ZNF536: variants seen among roughly 807,000 people sequenced by gnomAD.
The protein encoded by ZNF536 is zinc finger protein 536.
ZNF536 carries 13 observed loss-of-function variants against 84.5 expected under a neutral mutation model. The ratio of observed to expected loss-of-function variants is 0.15; its 90% CI spans 0.10 to 0.24. The LOEUF is 0.24. ZNF536 is among the 10% of genes least tolerant of loss of function. The pLI is 1.00. For missense variants in ZNF536, 1,536 were observed against 1,747.5 expected (o/e 0.88, Z 2.16); for synonymous variants, 811 against 742.5 (o/e 1.09, Z -1.50).
intron 2 of ZNF536, among the ~76,000 whole-genome samples, chr19:30,303,144 G>C (rs1268604214): frequency 1.3e-5 from 2 of 152,190 alleles, no homozygotes; most frequent in Non-Finnish European, 2.9e-5. Flanking sequence ...ATGGGTGATG[G>C]GTTTCTGAGG....
intron 1 of ZNF536, among the ~76,000 whole-genome samples, chr19:30,666,063 C>T (rs1185916732): frequency 6.6e-6 from 1 of 152,196 alleles, no homozygotes; most frequent in Non-Finnish European, 1.5e-5. Context: ...CACCTAGGTA[C>T]CCATGAAGAT....
chr19:30,399,679 GT>G (rs71171801), intron 1 of ZNF536, among the ~76,000 whole-genome samples: 55,402 of 112,066 alleles, frequency 0.49, 10,833 homozygotes, highest in Non-Finnish European at 0.53. Context: ...AATAAGAAAT[GT>G]TTTTTTTTTT....
chr19:30,244,870 G>A (rs1260567092), intron 1 of ZNF536, among the ~76,000 whole-genome samples: 1 of 152,176 alleles, frequency 6.6e-6, no homozygotes, highest in Non-Finnish European at 1.5e-5. Context: ...TTACCTTTAG[G>A]AAATGCCAAT....
At chr19:30,320,971 C>T (rs2046835644) in intron 2 of ZNF536, among the ~76,000 whole-genome samples, 1 of 152,186 alleles carries the variant, frequency 6.6e-6, no homozygotes, top group African/African-American at 2.4e-5. Flanking sequence ...GCGACAAACA[C>T]ACAGAAATAA....
chr19:30,510,631 T>C (rs1298372777), intron 2 of ZNF536, among the ~76,000 whole-genome samples: 3 of 152,234 alleles, frequency 2.0e-5, no homozygotes, highest in Non-Finnish European at 4.4e-5. Flanking sequence ...CTCCTCGATG[T>C]AGAGTGTTGG....
At chr19:30,551,023 CT>C (rs376146836) in intron 4 of ZNF536, among the ~76,000 whole-genome samples, 4,231 of 145,794 alleles carry the variant, frequency 0.029, 166 homozygotes, top group African/African-American at 0.095. Context: ...ATTTTTTCCC[CT>C]TTTTTTTTTA....
At chr19:30,437,559 G>A (rs976581335) in intron 1 of ZNF536, among the ~76,000 whole-genome samples, 1 of 152,130 alleles carries the variant, frequency 6.6e-6, no homozygotes, top group Non-Finnish European at 1.5e-5. Context: ...CCTGTGTTTA[G>A]AGGTGCAGCA....
chr19:30,293,266 A>T (rs2045898485), intron 2 of ZNF536, among the ~76,000 whole-genome samples: 1 of 152,012 alleles, frequency 6.6e-6, no homozygotes. Flanking sequence ...GTCCACCAGG[A>T]TGTGTGGACT....
At chr19:30,360,446 C>T (rs1384292887) in intron 3 of ZNF536, among the ~76,000 whole-genome samples, 1 of 152,206 alleles carries the variant, frequency 6.6e-6, no homozygotes, top group Non-Finnish European at 1.5e-5. Context: ...CGGGCCTTGT[C>T]TGCATATAAA....
At chr19:30,610,089 G>T (rs2048051088) in intron 1 of ZNF536, among the ~76,000 whole-genome samples, 1 of 152,210 alleles carries the variant, frequency 6.6e-6, no homozygotes. Context: ...TCTACTACAT[G>T]CTAGGCACTG....
rs191781038 is a variant in ZNF536 at position 30,640,089 on chromosome 19, A to T, written c.170-70668A>T. 6.4e-4 allele frequency among the ~76,000 whole-genome samples: 98 copies of T among 152,276 alleles called. 1 individual carries two copies. Among genetic ancestry groups the T allele is most frequent in the Middle Eastern group, 6.8e-3 (2 of 294 alleles). On this transcript the variant is annotated intron_variant, in intron 1 of 1. Transcript: ENST00000592773. ...GTGAAACCTCCATCACTACCAAAAA[A>T]TACAAAAATTAGCTGGGCGTGGTGG...
chr19:30,518,280 T>G (rs921775688), intron 2 of ZNF536, among the ~76,000 whole-genome samples: 2 of 152,216 alleles, frequency 1.3e-5, no homozygotes, highest in Admixed American at 6.5e-5. Context: ...GTAGCTTCAG[T>G]GTTCTTACAG....
At chr19:30,673,208 T>A (rs879692815) in intron 1 of ZNF536, among the ~76,000 whole-genome samples, 7 of 152,188 alleles carry the variant, frequency 4.6e-5, no homozygotes, top group Admixed American at 3.9e-4. Flanking sequence ...ATCTGTATGA[T>A]CTGTGTGACC....
intron 1 of ZNF536, among the ~76,000 whole-genome samples, chr19:30,574,172 T>G (rs1340594021): frequency 6.6e-6 from 1 of 152,224 alleles, no homozygotes; most frequent in African/African-American, 2.4e-5. Flanking sequence ...ATAGCAGCCT[T>G]AAAATACTTT....
At chr19:30,423,935 G>A (rs2051098288) in intron 1 of ZNF536, among the ~76,000 whole-genome samples, 1 of 152,190 alleles carries the variant, frequency 6.6e-6, no homozygotes, top group Non-Finnish European at 1.5e-5. Flanking sequence ...CCAGGGTCAA[G>A]CATGGTGTCT....
intron 1 of ZNF536, among the ~76,000 whole-genome samples, chr19:30,243,934 C>G (rs2024104584): frequency 6.6e-6 from 1 of 152,190 alleles, no homozygotes; most frequent in South Asian, 2.1e-4. Context: ...AGAGATAGTT[C>G]ATTATAAATT....
intron 2 of ZNF536, among the ~76,000 whole-genome samples, chr19:30,484,799 T>C (rs532996003): frequency 1.3e-5 from 2 of 152,000 alleles, no homozygotes; most frequent in South Asian, 4.2e-4. Context: ...CTCTTCTTTG[T>C]TATAAGGATT....
Position 30,534,881 on chromosome 19 carries a change from C to A in ZNF536, c.2205C>A (p.Val735=), listed in dbSNP as rs948570135. The change falls in exon 3 of 5, where the codon GTC becomes GTA. Residue 735 remains valine, a synonymous_variant. Coordinates refer to ENST00000355537, the MANE Select transcript of ZNF536 (RefSeq NM_014717.3). ...IGEEAGRSAG[V]QQPALLRDRS... Reference sequence around the variant, plus strand: ...AGGAGGCTGGGAGATCTGCCGGCGTCCAGCAACCAGCGCTGCTTCGCGACA... The same window carrying A: ...AGGAGGCTGGGAGATCTGCCGGCGTACAGCAACCAGCGCTGCTTCGCGACA... 6.2e-7 allele frequency: 1 copy of A among 1,613,664 alleles called. No homozygotes were observed.
intron 1 of ZNF536, among the ~76,000 whole-genome samples, chr19:30,707,902 C>T (rs558527596): frequency 1.3e-5 from 2 of 150,702 alleles, no homozygotes; most frequent in East Asian, 2.0e-4. Flanking sequence ...TCCAGCTACT[C>T]GGGGAGTCTA....
Sources: gnomAD v4.1 joint callset for allele counts (sites outside exome capture counted in the v4.1 genomes callset) on GRCh38, gnomAD v4.1.1 for gene constraint, MANE v1.5 for transcripts, NCBI Gene and HGNC (gene_info 2026-07-23, HGNC 2026-07-21) for gene names.